The following NKAIN2 variants were observed in gnomAD, a reference collection of about 807,000 sequenced individuals.
The protein encoded by NKAIN2 is sodium/potassium transporting ATPase interacting 2, also known as sodium/potassium-transporting ATPase subunit beta-1-interacting protein 2.
Under a neutral mutation model 32.6 loss-of-function variants are expected in NKAIN2, and 14 were observed. That is an observed-to-expected ratio of 0.43 (90% CI 0.28 to 0.67). The LOEUF (loss-of-function observed/expected upper bound fraction) is 0.67, where lower values mean the gene tolerates loss of function less well. NKAIN2 is among the 30% of genes least tolerant of loss of function. NKAIN2 has a pLI of 0.17. For missense variants in NKAIN2, 198 were observed against 258.3 expected, an observed-to-expected ratio of 0.77 and a Z score of 1.60; for synonymous variants, 80 against 87.2, an observed-to-expected ratio of 0.92 and a Z score of 0.46.
At chr6:124,120,262 G>T (rs1371255648) in intron 1 of NKAIN2, among the ~76,000 whole-genome samples, 1 of 152,096 alleles carries the variant, frequency 6.6e-6, no homozygotes, top group African/African-American at 2.4e-5. Context: ...ATGGAATGTG[G>T]TTTGGAAACA....
In NKAIN2 at chr6:124,776,716, A is replaced by G. The variant is rs1010070698; in HGVS notation, c.475-14623A>G. On this transcript the variant is annotated intron_variant, in intron 4 of 6. Transcript: ENST00000368417. Reference sequence around the variant, plus strand: ...ACCGTAATTTTTATCACATCTTTCTATTATACAGTGTTTTCTAAGAGATAA... The same window carrying G: ...ACCGTAATTTTTATCACATCTTTCTGTTATACAGTGTTTTCTAAGAGATAA... Among the ~76,000 whole-genome samples, 11 of 152,122 alleles carry G rather than the reference A, an allele frequency of 7.2e-5. No individual in the cohort carries two copies. In the South Asian group the frequency reaches 8.3e-4, roughly 11 times the overall value.
At chr6:124,599,122 A>G (rs1436608150) in intron 3 of NKAIN2, among the ~76,000 whole-genome samples, 1 of 151,642 alleles carries the variant, frequency 6.6e-6, no homozygotes, top group Non-Finnish European at 1.5e-5. Flanking sequence ...CCAAACTGCG[A>G]TCTCTTCTTG....
At chr6:124,730,372 A>G (rs1776599674) in intron 4 of NKAIN2, among the ~76,000 whole-genome samples, 1 of 104,200 alleles carries the variant, frequency 9.6e-6, no homozygotes, top group Non-Finnish European at 1.9e-5. Flanking sequence ...ATATAGATCA[A>G]TGGAACAGAA....
At chr6:124,526,224 T>G (rs1779307738) in intron 3 of NKAIN2, among the ~76,000 whole-genome samples, 1 of 151,814 alleles carries the variant, frequency 6.6e-6, no homozygotes, top group South Asian at 2.1e-4. Context: ...GAGGTAGAGG[T>G]ACAGAAGGCA....
intron 1 of NKAIN2, 84 bp downstream of exon 1, chr6:123,804,338 C>A: frequency 8.9e-7 from 1 of 1,123,048 alleles, no homozygotes; most frequent in Non-Finnish European, 1.4e-6. Context: ...CTGCCATTGA[C>A]TAGAATGGAC....
At chr6:124,020,597 T>C (rs1309824692) in intron 1 of NKAIN2, among the ~76,000 whole-genome samples, 1 of 151,940 alleles carries the variant, frequency 6.6e-6, no homozygotes, top group Non-Finnish European at 1.5e-5. Flanking sequence ...ACTACATCAC[T>C]AAAGCATATT....
chr6:123,813,542 T>G (rs186368698), intron 1 of NKAIN2, among the ~76,000 whole-genome samples: 1 of 149,844 alleles, frequency 6.7e-6, no homozygotes, highest in Non-Finnish European at 1.5e-5. Context: ...CCAGGTGTGA[T>G]GGCTCATGCC....
At chr6:123,896,862 T>C (rs1774305013) in intron 1 of NKAIN2, among the ~76,000 whole-genome samples, 1 of 152,188 alleles carries the variant, frequency 6.6e-6, no homozygotes, top group Admixed American at 6.5e-5. Context: ...ACTTTTTTCA[T>C]ATACCGTGAA....
chr6:124,326,248 C>A (rs72965806), intron 2 of NKAIN2, among the ~76,000 whole-genome samples: 2 of 149,330 alleles, frequency 1.3e-5, no homozygotes, highest in Non-Finnish European at 3.0e-5. Context: ...TATTAGAATG[C>A]ACTTTTTACT....
At chr6:124,504,202 CT>C in intron 3 of NKAIN2, among the ~76,000 whole-genome samples, 1 of 152,154 alleles carries the variant, frequency 6.6e-6, no homozygotes, top group East Asian at 1.9e-4. Context: ...CTCCTACCCT[CT>C]TTTGAGCCAG....
chr6:124,588,237 C>T (rs911732317), intron 3 of NKAIN2, among the ~76,000 whole-genome samples: 3 of 152,068 alleles, frequency 2.0e-5, no homozygotes, highest in Non-Finnish European at 2.9e-5. Flanking sequence ...ATTGATATGA[C>T]GATGTGTACA....
intron 4 of NKAIN2, among the ~76,000 whole-genome samples, chr6:124,740,129 G>GT (rs796914498): frequency 1.7e-3 from 249 of 145,464 alleles, no homozygotes; most frequent in East Asian, 3.6e-3. Context: ...GGTTGCCCCT[G>GT]TTTTTTTTTT....
chr6:124,550,353 A>G (rs1052422075), intron 3 of NKAIN2, among the ~76,000 whole-genome samples: 1 of 151,912 alleles, frequency 6.6e-6, no homozygotes, highest in Non-Finnish European at 1.5e-5. Flanking sequence ...GCCTTCTTTT[A>G]ATTTTTCTTC....
At chr6:124,031,877 C>T (rs1042372261) in intron 1 of NKAIN2, among the ~76,000 whole-genome samples, 29 of 151,910 alleles carry the variant, frequency 1.9e-4, no homozygotes, top group South Asian at 2.1e-4. Flanking sequence ...GGATCTAGAA[C>T]TAGAAATACC....
intron 3 of NKAIN2, among the ~76,000 whole-genome samples, chr6:124,617,893 C>A (rs1364973719): frequency 6.6e-6 from 1 of 151,904 alleles, no homozygotes; most frequent in Non-Finnish European, 1.5e-5. Context: ...TGAATCTAGA[C>A]CGTCAAAGAT....
intron 3 of NKAIN2, among the ~76,000 whole-genome samples, chr6:124,536,162 T>C (rs1446709104): frequency 1.3e-5 from 2 of 152,142 alleles, no homozygotes; most frequent in Admixed American, 1.3e-4. Context: ...AAGAAACACA[T>C]AACAGGAGAA....
At chr6:123,994,176 A>C (rs932995422) in intron 1 of NKAIN2, among the ~76,000 whole-genome samples, 3 of 151,178 alleles carry the variant, frequency 2.0e-5, no homozygotes, top group Non-Finnish European at 2.9e-5. Flanking sequence ...AGTTTGGAGA[A>C]AAGAGAGAAA....
At chr6:124,191,154 A>G (rs1790002136) in intron 1 of NKAIN2, among the ~76,000 whole-genome samples, 2 of 152,212 alleles carry the variant, frequency 1.3e-5, no homozygotes, top group Admixed American at 1.3e-4. Context: ...TGAGTGAATC[A>G]GCTTGCTGAT....
intron 4 of NKAIN2, among the ~76,000 whole-genome samples, chr6:124,707,080 A>T (rs1177863205): frequency 1.4e-5 from 2 of 147,172 alleles, no homozygotes; most frequent in Non-Finnish European, 3.0e-5. Flanking sequence ...TATGAGTGAG[A>T]ATATGCGGTG....
Sources: allele counts gnomAD v4.1 joint callset (sites outside exome capture counted in the v4.1 genomes callset), GRCh38; gene constraint gnomAD v4.1.1; transcripts MANE v1.5; gene names NCBI Gene and HGNC (gene_info 2026-07-23, HGNC 2026-07-21).